The following IFNGR1 variants were observed in gnomAD, a reference collection of about 807,000 sequenced individuals.
The protein encoded by IFNGR1 is AVP, type 2.
In IFNGR1, 23 loss-of-function variants were observed where a neutral mutation model predicts 35.4. The observed-to-expected ratio is 0.65, with a 90% CI of 0.47 to 0.92. The LOEUF (loss-of-function observed/expected upper bound fraction) is 0.92. Among genes scored for constraint, IFNGR1 ranks in the 40% least tolerant of loss-of-function variants. The pLI is 0.00. For missense variants in IFNGR1, 533 were observed against 583.4 expected (o/e 0.91, Z 0.89); for synonymous variants, 199 against 209.5 (o/e 0.95, Z 0.43).
intron 1 of IFNGR1, among the ~76,000 whole-genome samples, chr6:137,208,570 TG>T (rs771861116): frequency 7.9e-5 from 12 of 152,242 alleles, no homozygotes; most frequent in Non-Finnish European, 1.6e-4. Context: ...TAGCTCAGGC[TG>T]TGGCTTCGGA....
intron 1 of IFNGR1, among the ~76,000 whole-genome samples, chr6:137,207,341 A>C (rs930563988): frequency 1.3e-5 from 2 of 152,266 alleles, no homozygotes; most frequent in African/African-American, 4.8e-5. Context: ...TGAAGCAATA[A>C]ATTCCCTTAA....
chr6:137,200,982 C>T lies in IFNGR1; in HGVS notation c.760G>A (p.Ala254Thr). 1 of 1,613,250 alleles carries T rather than the reference C, an allele frequency of 6.2e-7. No homozygotes were observed. The highest frequency in any genetic ancestry group is 2.2e-5 in the East Asian group (1 of 44,740). Residue 254 changes from alanine to threonine, a missense_variant, in exon 6 of 7, where the codon GCT becomes ACT. Physicochemically the swap from Ala to Thr is moderately conservative, Grantham distance 58. Coordinates refer to ENST00000367739, the MANE Select transcript of IFNGR1 (RefSeq NM_000416.3). ...KGSLWIPVVAALLLFLVLSLV... is the reference protein window; with the variant it reads ...KGSLWIPVVATLLLFLVLSLV... ...CTAAGCACTAGAAAGAGTAGTAAAG[C>T]AGCAACAACTGGAATCCAAAGAGAA... is the stretch of plus-strand genomic sequence containing the variant.
Position 137,197,717 on chromosome 6 carries a change from AG to A in IFNGR1, c.*313del, listed in dbSNP as rs121913190. The A allele has an allele frequency of 1.9e-5, 5 of 259,624 alleles. No homozygotes were observed. The highest frequency in any genetic ancestry group is 3.8e-5 in the Non-Finnish European group (5 of 133,256). 16.1% of individuals were successfully genotyped at this position (259,624 alleles called of 1,614,324 possible). ...AAGAAAAAAAGTGAAGTGGCTACAA[AG>A]GTCCCTGGGGCATCACCTGCTCACC... On this transcript the variant is annotated 3_prime_UTR_variant, in exon 7 of 7. Transcript: ENST00000367739.
At chr6:137,217,187 G>C (rs894291746) in intron 1 of IFNGR1, among the ~76,000 whole-genome samples, 1 of 152,024 alleles carries the variant, frequency 6.6e-6, no homozygotes, top group Non-Finnish European at 1.5e-5. Flanking sequence ...ACTACTTATC[G>C]ACTCCAACTT....
At chr6:137,215,461 T>C in intron 1 of IFNGR1, 2 of 816,654 alleles carry the variant, frequency 2.4e-6, no homozygotes, top group Middle Eastern at 3.1e-4. Flanking sequence ...TTCTGATTAC[T>C]ATGCATTAGG....
chr6:137,206,334 A>G, intron 2 of IFNGR1, 26 bp from the exon 3 acceptor site: 3 of 1,540,126 alleles, frequency 1.9e-6, no homozygotes, highest in South Asian at 1.1e-5. Flanking sequence ...AAATGCGAAG[A>G]TAACTTTTAT....
Position 137,201,013 on chromosome 6 carries a change from A to G in IFNGR1, c.734-5T>C. 6.2e-7 allele frequency: 1 copy of G among 1,613,056 alleles called. No homozygotes were observed. The highest frequency in any genetic ancestry group is 8.5e-7 in the Non-Finnish European group (1 of 1,179,220). ...CAACTGGAATCCAAAGAGAACCTTA[A>G]AAAAGGCAGAAATCACAAGTTACAA... On this transcript the variant is annotated splice_region_variant and splice_polypyrimidine_tract_variant and intron_variant, in intron 5 of 6. Coordinates refer to ENST00000367739, the MANE Select transcript of IFNGR1 (RefSeq NM_000416.3).
At chr6:137,199,340 T>A (rs9389483) in intron 6 of IFNGR1, among the ~76,000 whole-genome samples, 1 of 132,016 alleles carries the variant, frequency 7.6e-6, no homozygotes, top group African/African-American at 2.8e-5. Flanking sequence ...TAATATATAA[T>A]ATATAATTTA....
At chr6:137,199,109 C>T (rs1779174871) in intron 6 of IFNGR1, among the ~76,000 whole-genome samples, 1 of 151,748 alleles carries the variant, frequency 6.6e-6, no homozygotes, top group Non-Finnish European at 1.5e-5. Flanking sequence ...TCCCAGCCTA[C>T]ATCTTTCTCC....
chr6:137,198,639 T>A lies in IFNGR1; in HGVS notation c.862A>T (p.Ile288Phe). 1.2e-6 allele frequency: 2 copies of A among 1,608,748 alleles called. No individual in the cohort carries two copies. The highest frequency in any genetic ancestry group is 1.7e-6 in the Non-Finnish European group (2 of 1,178,636). ...EKSIILPKSLISVVRSATLET... is the reference protein window; with the variant it reads ...EKSIILPKSLFSVVRSATLET... ...AAAGTAGCACTTCTTACCACAGAGA[T>A]CTATGGGGAGAAAAATTGATTAAAG... The change falls in exon 7 of 7, where the codon ATC becomes TTC. Residue 288 changes from isoleucine (I) to phenylalanine (F), a missense_variant and splice_region_variant. Physicochemically the swap from Ile to Phe is conservative, Grantham distance 21. Coordinates refer to ENST00000367739, the MANE Select transcript of IFNGR1 (RefSeq NM_000416.3).
chr6:137,202,964 C>G (rs1042546211), intron 5 of IFNGR1, among the ~76,000 whole-genome samples: 4 of 152,020 alleles, frequency 2.6e-5, no homozygotes, highest in African/African-American at 9.7e-5. Flanking sequence ...CCCCACCCCC[C>G]ACATTAAAAG....
chr6:137,200,606 T>C (rs753975084), intron 6 of IFNGR1, among the ~76,000 whole-genome samples: 2 of 152,196 alleles, frequency 1.3e-5, no homozygotes, highest in South Asian at 2.1e-4. Context: ...ACACGTTATA[T>C]AGCCAATGTA....
At chr6:137,215,344 A>G (rs201082038) in intron 1 of IFNGR1, 358 of 1,542,962 alleles carry the variant, frequency 2.3e-4, no homozygotes, top group Non-Finnish European at 3.0e-4. Context: ...ATGTTTCCTG[A>G]TTTTATTACA....
chr6:137,199,499 A>AATATATAATATATTATATATTATATAT (rs1779200572), intron 6 of IFNGR1, among the ~76,000 whole-genome samples: 449 of 21,856 alleles, frequency 0.021, 13 homozygotes, highest in Non-Finnish European at 0.028. Context: ...ATATTATATA[A>AATATATAATATATTATATATTATATAT]AATATATAAT....
chr6:137,198,845 C>T (rs988045988), intron 6 of IFNGR1, among the ~76,000 whole-genome samples: 1 of 152,110 alleles, frequency 6.6e-6, no homozygotes, highest in Non-Finnish European at 1.5e-5. Flanking sequence ...CATCAGATAT[C>T]TTACTAATAT....
chr6:137,214,853 G>T (rs1189726982), intron 1 of IFNGR1, among the ~76,000 whole-genome samples: 1 of 152,202 alleles, frequency 6.6e-6, no homozygotes, highest in Admixed American at 6.5e-5. Context: ...TTTTTTGTCT[G>T]TTGGAAGAGA....
intron 5 of IFNGR1, among the ~76,000 whole-genome samples, chr6:137,202,610 C>G (rs1380801596): frequency 1.2e-5 from 1 of 82,690 alleles, no homozygotes; most frequent in Non-Finnish European, 2.8e-5. Context: ...TATACACACA[C>G]ACACACACAC....
intron 1 of IFNGR1, among the ~76,000 whole-genome samples, chr6:137,218,282 T>TA (rs891516166): frequency 3.9e-4 from 57 of 144,372 alleles, no homozygotes; most frequent in African/African-American, 1.3e-3. Flanking sequence ...TAAATCATAA[T>TA]AAAAAAAAGA....
chr6:137,206,275 G>A lies in IFNGR1; in HGVS notation c.234C>T (p.Ile78=), dbSNP rs1478399097. The change falls in exon 3 of 7, where the codon ATC becomes ATT. Residue 78 remains isoleucine, a synonymous_variant. Transcript: ENST00000367739. ...TATTACAATAATGATGAGAAATATT[G>A]ATGCAGGCATCAATCCATTCTGAAT... is the stretch of plus-strand genomic sequence containing the variant. ...VKNSEWIDAC[I]NISHHYCNIS... 6.2e-7 allele frequency: 1 copy of A among 1,608,320 alleles called. No homozygotes were observed. The highest frequency in any genetic ancestry group is 2.2e-5 in the East Asian group (1 of 44,828).
Sources: allele counts gnomAD v4.1 joint callset (sites outside exome capture counted in the v4.1 genomes callset), GRCh38; gene constraint gnomAD v4.1.1; transcripts MANE v1.5; gene names NCBI Gene and HGNC (gene_info 2026-07-23, HGNC 2026-07-21).